The following PPIL2 variants were observed in gnomAD, a reference collection of about 807,000 sequenced individuals.
PPIL2 encodes RING-type E3 ubiquitin-protein ligase PPIL2.
PPIL2 carries 50 observed loss-of-function variants against 75.2 expected under a neutral mutation model. The ratio of observed to expected loss-of-function variants is 0.66; its 90% CI spans 0.53 to 0.84. The LOEUF is 0.84. Among genes scored for constraint, PPIL2 ranks in the 40% least tolerant of loss-of-function variants. PPIL2 has a pLI of 0.00. For synonymous variants in PPIL2, 245 were observed against 258.8 expected (o/e 0.95, Z 0.51); for missense variants, 590 against 685.0 (o/e 0.86, Z 1.55).
chr22:21,691,456 G>A (rs1382399296), intron 15 of PPIL2, among the ~76,000 whole-genome samples: 1 of 151,972 alleles, frequency 6.6e-6, no homozygotes, highest in South Asian at 2.1e-4. Flanking sequence ...CGAGGCAGGC[G>A]GATCACGAGG....
At chr22:21,680,937 A>T (rs190652519) in intron 6 of PPIL2, among the ~76,000 whole-genome samples, 1 of 149,652 alleles carries the variant, frequency 6.7e-6, no homozygotes, top group South Asian at 2.1e-4. Flanking sequence ...CTGGCGGAGG[A>T]TGTGGGTGAG....
chr22:21,671,790 T>A (rs1189677329), intron 4 of PPIL2, among the ~76,000 whole-genome samples: 1 of 152,114 alleles, frequency 6.6e-6, no homozygotes, highest in Non-Finnish European at 1.5e-5. Context: ...GTGGCTTATG[T>A]CTGTAGTCCC....
rs1168652455 is a variant in PPIL2 at position 21,669,961 on chromosome 22, A to T, written c.81A>T (p.Pro27=). ...EYTHFYGGKK[P]DLPQTNFRRL... is the part of the protein sequence containing the mutation. ...CTCACTTTTATGGTGGCAAGAAGCC[A>T]GGTAAGGCATGCAGTCTTTCTGTTC... Residue 27 remains proline (P), a splice_region_variant and synonymous_variant, in exon 2 of 20, where the codon CCA becomes CCT. Coordinates refer to ENST00000398831, the MANE Select transcript of PPIL2 (RefSeq NM_014337.4). The T allele has an allele frequency of 3.1e-6, 5 of 1,613,318 alleles. No individual in the cohort carries two copies. Among genetic ancestry groups the T allele is most frequent in the Non-Finnish European group, 4.2e-6 (5 of 1,179,198 alleles).
At chr22:21,666,211 T>G in intron 1 of PPIL2, 80 bp downstream of exon 1, 1 of 1,478,492 alleles carries the variant, frequency 6.8e-7, no homozygotes, top group Non-Finnish European at 9.2e-7. Context: ...CCGCTCGCCT[T>G]CCCTCTCAGC....
chr22:21,675,543 A>G (rs1477527540), intron 6 of PPIL2, among the ~76,000 whole-genome samples: 3 of 152,190 alleles, frequency 2.0e-5, no homozygotes, highest in African/African-American at 7.2e-5. Context: ...TCAAAAAAAA[A>G]AGGTGTCACA....
At chr22:21,690,416 C>G (rs1377989608) in intron 15 of PPIL2, among the ~76,000 whole-genome samples, 1 of 151,916 alleles carries the variant, frequency 6.6e-6, no homozygotes, top group Non-Finnish European at 1.5e-5. Flanking sequence ...GTCAGCTGTG[C>G]TTAACAGCTG....
chr22:21,693,805 C>T lies in PPIL2; in HGVS notation c.1140-11C>T. ...CCATGCTCTCCCTAACCATCCAGCCCTCCTCCCCAGCTTCATCACGTTTCG... is the reference window on the plus strand; with the variant it reads ...CCATGCTCTCCCTAACCATCCAGCCTTCCTCCCCAGCTTCATCACGTTTCG... On this transcript the variant is annotated splice_polypyrimidine_tract_variant and intron_variant, in intron 15 of 19. Transcript: ENST00000398831. The T allele has an allele frequency of 6.5e-7, 1 of 1,532,294 alleles. No individual in the cohort carries two copies. Among genetic ancestry groups the T allele is most frequent in the Non-Finnish European group, 9.0e-7 (1 of 1,105,604 alleles). 94.9% of individuals were successfully genotyped at this position (1,532,294 alleles called of 1,614,324 possible).
chr22:21,692,376 G>C (rs528193135), intron 15 of PPIL2, among the ~76,000 whole-genome samples: 2,338 of 150,636 alleles, frequency 0.016, 39 homozygotes, highest in Admixed American at 0.039. Context: ...GGATGGTCTC[G>C]ATCTCCTGAC....
chr22:21,682,358 G>A (rs925576905), intron 7 of PPIL2, 79 bp from the exon 8 acceptor site: 2 of 1,279,060 alleles, frequency 1.6e-6, no homozygotes, highest in Non-Finnish European at 2.3e-6. Context: ...GTCGGGGCCA[G>A]CTCCAGGCCT....
intron 6 of PPIL2, among the ~76,000 whole-genome samples, chr22:21,676,714 T>C (rs1601528126): frequency 7.7e-6 from 1 of 129,984 alleles, no homozygotes; most frequent in East Asian, 2.1e-4. Context: ...CAAGGCAGAA[T>C]TTTTCTTAGT....
chr22:21,675,825 G>T (rs1246742618), intron 6 of PPIL2, among the ~76,000 whole-genome samples: 1 of 152,230 alleles, frequency 6.6e-6, no homozygotes, highest in Non-Finnish European at 1.5e-5. Flanking sequence ...TAGCTCTTGG[G>T]CTAGGCTTTT....
In PPIL2 at chr22:21,688,869, T is replaced by G; in HGVS notation, c.1139+20T>G. 6.2e-7 allele frequency: 1 copy of G among 1,608,214 alleles called. No individual in the cohort carries two copies. The highest frequency in any genetic ancestry group is 8.5e-7 in the Non-Finnish European group (1 of 1,174,758). ...TCAATTGTGAGTCAGCTGGGCTTGC[T>G]GGGGTGGCCTGGGAGGTGAGCCGGC... On this transcript the variant is annotated intron_variant, in intron 15 of 19. Transcript: ENST00000398831.
chr22:21,666,850 G>GCCCCACGTCCCACGTTCCCCT (rs1368974587), intron 1 of PPIL2, among the ~76,000 whole-genome samples: 6 of 152,052 alleles, frequency 3.9e-5, no homozygotes, highest in African/African-American at 1.4e-4. Flanking sequence ...CGTGCCCCGT[G>GCCCCACGTCCCACGTTCCCCT]CCCCACGTCC....
Position 21,685,614 on chromosome 22 carries a change from CT to C in PPIL2, c.714+711del, listed in dbSNP as rs201548290. The C allele has an allele frequency of 7.2e-4, 299 of 415,402 alleles. 1 individual carries two copies. In the East Asian group the frequency reaches 9.0e-3, roughly 12 times the overall value. The allele number at this position is 415,402 out of a possible 1,614,324, so 25.7% of individuals were successfully genotyped here. A position where few individuals can be genotyped will look rare whatever the true frequency, so the allele number is the denominator to read the frequency against. On this transcript the variant is annotated intron_variant, in intron 10 of 19. Coordinates refer to ENST00000398831, the MANE Select transcript of PPIL2 (RefSeq NM_014337.4). Reference sequence around the variant, plus strand: ...CTGCCCTTAGCACTTTGATATATTACTTTTTTTTTTCTTTTGGAAACAGGAT... The same window carrying C: ...CTGCCCTTAGCACTTTGATATATTACTTTTTTTTTCTTTTGGAAACAGGAT...
intron 6 of PPIL2, among the ~76,000 whole-genome samples, chr22:21,678,396 A>G (rs562055354): frequency 6.3e-4 from 96 of 151,540 alleles, no homozygotes; most frequent in Middle Eastern, 6.8e-3. Flanking sequence ...GCACCCAGCT[A>G]GTTTTTGTGT....
chr22:21,699,872 A>G (rs2068047225), downstream of PPIL2: 1 of 152,486 alleles, frequency 6.6e-6, no homozygotes, highest in African/African-American at 2.4e-5. Flanking sequence ...TGAGGGCACA[A>G]CCCCTGGTAC....
rs1219160394 is a variant in PPIL2, at chr22:21,687,695, A to T, written c.950A>T (p.Asp317Val). Reference sequence around the variant, plus strand: ...AGGCTTTGCAAGAAGCATTATTACGATGGCACCATCTTCCACAGATCCATC... The same window carrying T: ...AGGCTTTGCAAGAAGCATTATTACGTTGGCACCATCTTCCACAGATCCATC... ...FIRLCKKHYY[D>V]GTIFHRSIRN... The change falls in exon 13 of 20, where the codon GAT becomes GTT. Residue 317 changes from aspartate (D) to valine (V), a missense_variant. By Grantham distance (152) the Asp-to-Val change is radical. Coordinates refer to ENST00000398831, the MANE Select transcript of PPIL2 (RefSeq NM_014337.4). The T allele has an allele frequency of 1.2e-6, 2 of 1,613,936 alleles. No homozygotes were observed. Among genetic ancestry groups the T allele is most frequent in the Non-Finnish European group, 1.7e-6 (2 of 1,179,950 alleles).
At position 21,682,398 on chromosome 22, in the gene PPIL2, T is replaced by G. The variant is rs2067164658; in HGVS notation, c.388-39T>G. 3 of 1,561,482 alleles carry G rather than the reference T, an allele frequency of 1.9e-6. No individual in the cohort carries two copies. In the African/African-American group the frequency reaches 4.1e-5, roughly 21 times the overall value. On this transcript the variant is annotated intron_variant, in intron 7 of 19. Coordinates refer to ENST00000398831, the MANE Select transcript of PPIL2 (RefSeq NM_014337.4). ...GCTTGCAGTCCCCTGTGCCAAGGCT[T>G]GGGGCAGGCATCGTAAAACCACTTC... is the stretch of plus-strand genomic sequence containing the variant.
At chr22:21,678,589 G>C (rs1038815580) in intron 6 of PPIL2, among the ~76,000 whole-genome samples, 6 of 152,144 alleles carry the variant, frequency 3.9e-5, no homozygotes, top group Non-Finnish European at 7.4e-5. Flanking sequence ...GGTGTGATAC[G>C]CCTCCCCTGT....
Sources: gnomAD v4.1 joint callset for allele counts (sites outside exome capture counted in the v4.1 genomes callset) on GRCh38, gnomAD v4.1.1 for gene constraint, MANE v1.5 for transcripts, NCBI Gene and HGNC (gene_info 2026-07-23, HGNC 2026-07-21) for gene names.